Variants in TTC23L observed in about 807,000 individuals in gnomAD.
TTC23L encodes the protein tetratricopeptide repeat protein 23-like.
A neutral mutation model predicts 48.1 loss-of-function variants in TTC23L; 42 were observed. The observed-to-expected ratio is 0.87, with a 90% CI of 0.68 to 1.13. TTC23L has a LOEUF of 1.13. Ranked by LOEUF, TTC23L falls within the 50% of genes most tolerant of loss-of-function variation. The pLI is 0.00. For synonymous variants in TTC23L, 159 were observed against 157.2 expected (o/e 1.01, Z -0.09); for missense variants, 391 against 421.0 (o/e 0.93, Z 0.62).
chr5:34,893,247 A>G (rs1379931363), intron 9 of TTC23L, among the ~76,000 whole-genome samples: 1 of 152,170 alleles, frequency 6.6e-6, no homozygotes, highest in African/African-American at 2.4e-5. Context: ...AACTGGGTGA[A>G]TGGCAATGCT....
At chr5:34,880,512 T>G (rs1376464269) in intron 9 of TTC23L, 3 of 541,626 alleles carry the variant, frequency 5.5e-6, no homozygotes, top group African/African-American at 1.9e-5. Context: ...ACTGAGCAAC[T>G]CTGTCCGACA....
At chr5:34,847,023 A>G (rs1468746401) in intron 3 of TTC23L, among the ~76,000 whole-genome samples, 1 of 152,182 alleles carries the variant, frequency 6.6e-6, no homozygotes, top group Non-Finnish European at 1.5e-5. Context: ...GTCGACTCTC[A>G]TTATTAGAAC....
At position 34,863,565 on chromosome 5, in the gene TTC23L, G is replaced by C. The variant is rs1760833487; in HGVS notation, c.536+511G>C. Among the ~76,000 whole-genome samples, 1 of 152,230 alleles carries C rather than the reference G, an allele frequency of 6.6e-6. No homozygotes were observed. The highest frequency in any genetic ancestry group is 2.4e-5 in the African/African-American group (1 of 41,454). On this transcript the variant is annotated intron_variant, in intron 5 of 10. Transcript: ENST00000505624. The surrounding 1 kb of genome is among the most constrained non-coding windows in gnomAD (Gnocchi z 4.1). ...TTGAAATTTTTAAAAGCCCTCCAGA[G>C]ATTGTAATTTGCAGCCCAAAACCAC...
the TTC23L span, chr5:34,911,603 T>C: frequency 1.2e-6 from 2 of 1,614,200 alleles, no homozygotes; most frequent in Non-Finnish European, 1.7e-6. Flanking sequence ...ACTTCACTCG[T>C]CATATCCAAT....
the TTC23L span, chr5:34,915,538 C>A: frequency 5.2e-6 from 3 of 580,328 alleles, no homozygotes; most frequent in Non-Finnish European, 8.6e-6. Flanking sequence ...GACCGGCCCT[C>A]CACCTCGGCC....
chr5:34,895,066 G>C (rs1186649080), intron 9 of TTC23L, among the ~76,000 whole-genome samples: 1 of 152,160 alleles, frequency 6.6e-6, no homozygotes, highest in Non-Finnish European at 1.5e-5. Flanking sequence ...TGAGATTACT[G>C]TTTGTCCAGT....
At chr5:34,879,721 G>A (rs1002672336) in intron 8 of TTC23L, among the ~76,000 whole-genome samples, 1 of 152,104 alleles carries the variant, frequency 6.6e-6, no homozygotes, top group African/African-American at 2.4e-5. Flanking sequence ...TTTAGGGCTC[G>A]GTGCGGTGGC....
chr5:34,925,270 G>A, the TTC23L span: 1 of 1,609,940 alleles, frequency 6.2e-7, no homozygotes, highest in South Asian at 1.1e-5. Flanking sequence ...AATACAGAGA[G>A]AAACAGCAAG....
At chr5:34,883,466 G>C (rs1159230544) in intron 9 of TTC23L, 1 of 166,400 alleles carries the variant, frequency 6.0e-6, no homozygotes, top group Non-Finnish European at 1.4e-5. Context: ...ATCCAGGGAA[G>C]CACACTTTGT....
the TTC23L span, chr5:34,907,751 C>G: frequency 6.6e-6 from 1 of 152,268 alleles, no homozygotes; most frequent in African/African-American, 2.4e-5. Flanking sequence ...TAGATCTCTT[C>G]AAAAGGTCTA....
At chr5:34,849,806 T>C (rs987113327) in intron 3 of TTC23L, among the ~76,000 whole-genome samples, 4 of 152,178 alleles carry the variant, frequency 2.6e-5, no homozygotes, top group African/African-American at 9.7e-5. Context: ...TACATATTCA[T>C]TTTTCATGCT....
intron 9 of TTC23L, among the ~76,000 whole-genome samples, chr5:34,885,469 G>A (rs141055798): frequency 9.9e-5 from 15 of 152,262 alleles, no homozygotes; most frequent in Non-Finnish European, 1.3e-4. Flanking sequence ...GGCCATATGC[G>A]ATGGCTCATG....
At chr5:34,920,461 CT>C in the TTC23L span, 22 of 152,134 alleles carry the variant, frequency 1.4e-4, no homozygotes, top group African/African-American at 5.3e-4. Context: ...TATTAGCCTT[CT>C]TTAGAGCACA....
At chr5:34,882,616 A>C (rs910323713) in intron 9 of TTC23L, among the ~76,000 whole-genome samples, 5 of 72,674 alleles carry the variant, frequency 6.9e-5, no homozygotes, top group African/African-American at 1.1e-4. Context: ...GTTCCCATGG[A>C]CTACACACAC....
At chr5:34,883,426 C>A in intron 9 of TTC23L, 1 of 154,260 alleles carries the variant, frequency 6.5e-6, no homozygotes, top group East Asian at 1.9e-4. Context: ...AGATAGTTCC[C>A]TGGGTTCAAC....
At chr5:34,916,149 T>C in the TTC23L span, 2 of 383,716 alleles carry the variant, frequency 5.2e-6, no homozygotes, top group Non-Finnish European at 9.3e-6. Flanking sequence ...TACAGGGTGC[T>C]CAGATCCAGC....
intron 9 of TTC23L, among the ~76,000 whole-genome samples, chr5:34,882,346 T>C (rs1197023501): frequency 6.6e-6 from 1 of 152,266 alleles, no homozygotes; most frequent in Middle Eastern, 3.4e-3. Flanking sequence ...GGACGGACTA[T>C]GGACAAGTCA....
rs1476667519 is a variant in TTC23L, at chr5:34,863,780, G to A, written c.537-657G>A. 6.6e-6 allele frequency among the ~76,000 whole-genome samples: 1 copy of A among 152,170 alleles called. No individual in the cohort carries two copies. The highest frequency in any genetic ancestry group is 1.5e-5 in the Non-Finnish European group (1 of 68,022). On this transcript the variant is annotated intron_variant, in intron 5 of 10. Transcript: ENST00000505624. This position sits in a 1 kb window ranked among gnomAD's most constrained non-coding sequence, Gnocchi z 4.1. ...GTTGTACCATCTCCACTGGAAAGAT[G>A]TTAAGGGCATTTGATGTTCACGCAT...
chr5:34,888,681 C>A, intron 9 of TTC23L: 1 of 202,448 alleles, frequency 4.9e-6, no homozygotes, highest in Non-Finnish European at 8.8e-6. Context: ...TGAATTTGAC[C>A]AAATCCTATA....
Sources: gnomAD v4.1 joint callset for allele counts (sites outside exome capture counted in the v4.1 genomes callset) on GRCh38, gnomAD v4.1.1 for gene constraint, Gnocchi (gnomAD v3.1) non-coding constraint, MANE v1.5 for transcripts, NCBI Gene and HGNC (gene_info 2026-07-23, HGNC 2026-07-21) for gene names.